The following THSD7B variants were observed in gnomAD, a reference collection of about 807,000 sequenced individuals.
THSD7B encodes the protein thrombospondin type-1 domain-containing protein 7B.
Under a neutral mutation model 213.6 loss-of-function variants are expected in THSD7B, and 138 were observed. That is an observed-to-expected ratio of 0.65 (90% confidence interval 0.56 to 0.74). THSD7B has a LOEUF of 0.74. Ranked by LOEUF, THSD7B falls within the 30% of genes least tolerant of loss-of-function variation. THSD7B has a pLI of 0.00. For missense variants in THSD7B, 1,931 were observed against 1,991.5 expected (o/e 0.97, Z 0.58); for synonymous variants, 742 against 687.0 (o/e 1.08, Z -1.25).
In THSD7B at chr2:137,577,085, G is replaced by A. The variant is rs115906013; in HGVS notation, c.3423+4529G>A. 5.6e-3 allele frequency among the ~76,000 whole-genome samples: 857 copies of A among 152,168 alleles called. 8 individuals are homozygous for A. Among genetic ancestry groups the A allele is most frequent in the African/African-American group, 0.02 (815 of 41,520 alleles). ...TACCTAGTTCTTTTCTTTGATTCAA[G>A]CTGAAAGCCAGAGGATGAGAATGAT... On this transcript the variant is annotated intron_variant, in intron 17 of 27. Coordinates refer to ENST00000409968, the MANE Select transcript of THSD7B (RefSeq NM_001316349.2).
At chr2:137,564,285 G>A (rs10196810) in intron 16 of THSD7B, among the ~76,000 whole-genome samples, 32,053 of 152,032 alleles carry the variant, frequency 0.21, 3,640 homozygotes, top group South Asian at 0.29. Context: ...TCTGTGAAAC[G>A]TACTTTATTC....
chr2:137,069,698 AAAG>A (rs1415179144), intron 3 of THSD7B, among the ~76,000 whole-genome samples: 1 of 151,980 alleles, frequency 6.6e-6, no homozygotes, highest in Non-Finnish European at 1.5e-5. Context: ...ATCTGCTGTT[AAAG>A]GAGATTTAAA....
At chr2:136,901,231 G>C (rs1014795633) in intron 2 of THSD7B, among the ~76,000 whole-genome samples, 17 of 152,308 alleles carry the variant, frequency 1.1e-4, no homozygotes, top group African/African-American at 3.8e-4. Flanking sequence ...TGCTGTGAGA[G>C]TTACAAAGCA....
intron 12 of THSD7B, among the ~76,000 whole-genome samples, chr2:137,291,628 A>G (rs1329749492): frequency 1.3e-5 from 2 of 152,166 alleles, no homozygotes; most frequent in African/African-American, 4.8e-5. Flanking sequence ...TGCTTAAATC[A>G]AGTAATGGAA....
At chr2:136,911,081 A>G (rs191994536) in intron 2 of THSD7B, among the ~76,000 whole-genome samples, 1 of 152,318 alleles carries the variant, frequency 6.6e-6, no homozygotes, top group Non-Finnish European at 1.5e-5. Flanking sequence ...TAACTAATAC[A>G]TACTAAGGGA....
intron 10 of THSD7B, among the ~76,000 whole-genome samples, chr2:137,262,620 G>A (rs1427914516): frequency 1.3e-5 from 2 of 152,120 alleles, no homozygotes; most frequent in Non-Finnish European, 2.9e-5. Flanking sequence ...AGGGCAGGTC[G>A]TATTTTTTAA....
At chr2:137,077,225 T>G (rs1402208384) in intron 3 of THSD7B, among the ~76,000 whole-genome samples, 2 of 152,140 alleles carry the variant, frequency 1.3e-5, no homozygotes, top group African/African-American at 4.8e-5. Context: ...CAGTCTATCA[T>G]TGTTGGACAT....
chr2:137,236,877 G>A (rs1240108347), intron 9 of THSD7B, among the ~76,000 whole-genome samples: 7 of 152,104 alleles, frequency 4.6e-5, no homozygotes, highest in South Asian at 2.1e-4. Flanking sequence ...TTGGGAGGCC[G>A]AGGCAGGTGG....
chr2:137,306,731 G>GT (rs1683758398), intron 12 of THSD7B, among the ~76,000 whole-genome samples: 1 of 151,766 alleles, frequency 6.6e-6, no homozygotes, highest in Non-Finnish European at 1.5e-5. Context: ...TGAGTTTTCT[G>GT]TTTTTGTTTA....
At chr2:137,424,887 C>A (rs1025345520) in intron 14 of THSD7B, among the ~76,000 whole-genome samples, 1 of 151,776 alleles carries the variant, frequency 6.6e-6, no homozygotes, top group South Asian at 2.1e-4. Context: ...CTGGCTAAGA[C>A]GGTGAAACCT....
intron 1 of THSD7B, among the ~76,000 whole-genome samples, chr2:136,819,373 G>A (rs1223577365): frequency 6.6e-6 from 1 of 152,068 alleles, no homozygotes. Context: ...CTATTAGTGT[G>A]TACTGGGTTG....
At chr2:136,858,483 C>G (rs1205913860) in intron 1 of THSD7B, among the ~76,000 whole-genome samples, 1 of 152,160 alleles carries the variant, frequency 6.6e-6, no homozygotes, top group Non-Finnish European at 1.5e-5. Flanking sequence ...CTTGGGCATC[C>G]TGTGAAATGC....
At chr2:136,846,526 A>G (rs1028047507) in intron 1 of THSD7B, among the ~76,000 whole-genome samples, 18 of 152,210 alleles carry the variant, frequency 1.2e-4, no homozygotes, top group Non-Finnish European at 2.9e-5. Flanking sequence ...AGCTAATACT[A>G]AATAATTAAC....
chr2:137,400,596 C>T (rs932894691), intron 12 of THSD7B, among the ~76,000 whole-genome samples: 6 of 152,060 alleles, frequency 3.9e-5, no homozygotes, highest in South Asian at 2.1e-4. Context: ...GGGTGGCATA[C>T]GCAATGAGGG....
At chr2:137,351,703 A>C (rs1485956048) in intron 12 of THSD7B, among the ~76,000 whole-genome samples, 1 of 151,978 alleles carries the variant, frequency 6.6e-6, no homozygotes, top group Non-Finnish European at 1.5e-5. Context: ...TAAGAGGTAG[A>C]GGGAAAGCTT....
intron 7 of THSD7B, among the ~76,000 whole-genome samples, chr2:137,219,473 C>G (rs1229437871): frequency 6.6e-6 from 1 of 152,078 alleles, no homozygotes; most frequent in Non-Finnish European, 1.5e-5. Flanking sequence ...CAGACAAAAA[C>G]AGAAGAGGTT....
At chr2:137,484,168 C>G (rs1688372810) in intron 15 of THSD7B, among the ~76,000 whole-genome samples, 2 of 126,050 alleles carry the variant, frequency 1.6e-5, no homozygotes, top group Admixed American at 8.6e-5. Context: ...TATCCCTCCC[C>G]CCTCCCCCCA....
intron 12 of THSD7B, among the ~76,000 whole-genome samples, chr2:137,291,487 A>G (rs966165871): frequency 1.3e-5 from 2 of 152,172 alleles, no homozygotes; most frequent in Non-Finnish European, 2.9e-5. Context: ...TGTGCCCATT[A>G]TTGGAGGTTC....
intron 4 of THSD7B, among the ~76,000 whole-genome samples, chr2:137,113,435 T>TTG (rs1360572327): frequency 1.3e-5 from 2 of 152,152 alleles, no homozygotes; most frequent in Non-Finnish European, 2.9e-5. Context: ...TGTGTGTTTT[T>TTG]TTTGTTTGTT....
Sources: allele counts gnomAD v4.1 joint callset (sites outside exome capture counted in the v4.1 genomes callset), GRCh38; gene constraint gnomAD v4.1.1; transcripts MANE v1.5; gene names NCBI Gene and HGNC (gene_info 2026-07-23, HGNC 2026-07-21).